The following TTC28 variants were observed in gnomAD, a reference collection of about 807,000 sequenced individuals.
TTC28 encodes tetratricopeptide repeat domain 28.
Under a neutral mutation model 198.0 loss-of-function variants are expected in TTC28, and 61 were observed. That is an observed-to-expected ratio of 0.31 (90% confidence interval 0.25 to 0.38). The LOEUF (loss-of-function observed/expected upper bound fraction) is 0.38. TTC28 is among the 10% of genes least tolerant of loss of function. TTC28 has a pLI of 1.00. For synonymous variants in TTC28, 1,171 were observed against 1,297.8 expected (o/e 0.90, Z 2.10); for missense variants, 2,678 against 3,164.0 (o/e 0.85, Z 3.69).
chr22:28,210,403 C>G (rs1036798666), intron 5 of TTC28, among the ~76,000 whole-genome samples: 1 of 152,040 alleles, frequency 6.6e-6, no homozygotes, highest in African/African-American at 2.4e-5. Context: ...AAAGATTGGA[C>G]GAGTGGCTAA....
At chr22:28,633,288 AAAAAG>A (rs1472972615) in intron 1 of TTC28, among the ~76,000 whole-genome samples, 46 of 150,722 alleles carry the variant, frequency 3.1e-4, no homozygotes, top group African/African-American at 1.0e-3. Flanking sequence ...CTCAAAAAAA[AAAAAG>A]AAAAAGAAAA....
At chr22:28,218,935 G>T (rs903226114) in intron 5 of TTC28, among the ~76,000 whole-genome samples, 1 of 149,556 alleles carries the variant, frequency 6.7e-6, no homozygotes, top group South Asian at 2.1e-4. Flanking sequence ...CTTTTATACC[G>T]TCAGTGCAAA....
At chr22:28,583,399 T>C (rs2050260050) in intron 2 of TTC28, among the ~76,000 whole-genome samples, 1 of 152,146 alleles carries the variant, frequency 6.6e-6, no homozygotes, top group South Asian at 2.1e-4. Flanking sequence ...GGACTGAAAG[T>C]TAAAATGCCG....
At chr22:27,985,418 AGC>A in intron 21 of TTC28, 62 bp from the exon 22 acceptor site, 1 of 1,348,826 alleles carries the variant, frequency 7.4e-7, no homozygotes, top group South Asian at 1.3e-5. Context: ...CTTGAACATG[AGC>A]GCTATAGGGC....
At chr22:28,645,242 C>G (rs1327754098) in intron 1 of TTC28, among the ~76,000 whole-genome samples, 1 of 152,022 alleles carries the variant, frequency 6.6e-6, no homozygotes, top group Non-Finnish European at 1.5e-5. Context: ...AAGGGCATAA[C>G]CAAAAAAGAA....
At chr22:28,080,592 T>A (rs935976775) in intron 12 of TTC28, among the ~76,000 whole-genome samples, 3 of 152,196 alleles carry the variant, frequency 2.0e-5, no homozygotes, top group African/African-American at 7.2e-5. Flanking sequence ...CTGGATATTA[T>A]CAGATACATG....
At chr22:27,987,522 A>G (rs1387319957) in intron 21 of TTC28, among the ~76,000 whole-genome samples, 1 of 152,026 alleles carries the variant, frequency 6.6e-6, no homozygotes, top group Non-Finnish European at 1.5e-5. Context: ...ACTTGAGCTC[A>G]GGAGCTGGAG....
At chr22:28,595,127 CTT>C (rs2050517081) in intron 2 of TTC28, among the ~76,000 whole-genome samples, 1 of 152,076 alleles carries the variant, frequency 6.6e-6, no homozygotes. Context: ...CACAATAAAA[CTT>C]AATTATAGAA....
intron 2 of TTC28, among the ~76,000 whole-genome samples, chr22:28,424,424 C>T (rs540426258): frequency 9.2e-5 from 14 of 152,274 alleles, no homozygotes; most frequent in African/African-American, 3.4e-4. Flanking sequence ...ATTTTTACTA[C>T]ATACTTCTAT....
Position 28,004,211 on chromosome 22 carries a change from A to G in TTC28, c.4219-2658T>C, listed in dbSNP as rs192536872. On this transcript the variant is annotated intron_variant, in intron 14 of 22. Transcript: ENST00000397906. ...GGTGAGCACAAGGCTAAAGAGGGAC[A>G]TGGGAGCCAGACTGTGGGGGCGCTG... Among the ~76,000 whole-genome samples, 22 of 152,280 alleles carry G rather than the reference A, an allele frequency of 1.4e-4. No individual in the cohort carries two copies. The East Asian group carries it at 4.3e-3, about 30-fold the overall frequency.
intron 2 of TTC28, among the ~76,000 whole-genome samples, chr22:28,611,727 C>T (rs560528426): frequency 1.4e-5 from 2 of 140,052 alleles, no homozygotes; most frequent in East Asian, 4.4e-4. Flanking sequence ...TCTCATTGTT[C>T]AATTCCCACC....
At chr22:28,677,508 C>T (rs1278519791) in intron 1 of TTC28, among the ~76,000 whole-genome samples, 1 of 151,906 alleles carries the variant, frequency 6.6e-6, no homozygotes, top group Non-Finnish European at 1.5e-5. Context: ...AAAAATTAGC[C>T]GGGTCTAGTA....
chr22:28,505,256 CAAAAA>C (rs35503278), intron 2 of TTC28, among the ~76,000 whole-genome samples: 2 of 75,410 alleles, frequency 2.7e-5, no homozygotes, highest in Non-Finnish European at 5.2e-5. Context: ...GACTCCGTCT[CAAAAA>C]AAAAAAAAAA....
intron 6 of TTC28, among the ~76,000 whole-genome samples, chr22:28,119,889 A>G (rs1402698069): frequency 6.6e-6 from 1 of 152,222 alleles, no homozygotes; most frequent in African/African-American, 2.4e-5. Flanking sequence ...CTGGTATCCA[A>G]TAATTTAAGC....
chr22:28,240,079 G>A (rs540076544), intron 5 of TTC28, among the ~76,000 whole-genome samples: 3 of 152,192 alleles, frequency 2.0e-5, no homozygotes, highest in Admixed American at 6.5e-5. Flanking sequence ...TTTCAAATGA[G>A]TAATAGAATC....
chr22:28,465,435 C>T lies in TTC28; in HGVS notation c.382-158792G>A, dbSNP rs190951143. On this transcript the variant is annotated intron_variant, in intron 2 of 22. Transcript: ENST00000397906. ...GGTTAGGAGTTCGAAACCAGCCTGA[C>T]CAACAAGGTGAAACCCCGTTTCTAC... is the stretch of plus-strand genomic sequence containing the variant. Among the ~76,000 whole-genome samples, 5 of 152,106 alleles carry T rather than the reference C, an allele frequency of 3.3e-5. No homozygotes were observed. In the East Asian group the frequency reaches 9.7e-4, roughly 29 times the overall value.
At chr22:28,257,286 G>A (rs1337972563) in intron 5 of TTC28, among the ~76,000 whole-genome samples, 2 of 152,062 alleles carry the variant, frequency 1.3e-5, no homozygotes, top group African/African-American at 4.8e-5. Flanking sequence ...ACATATCAAA[G>A]AGATACCTGT....
intron 2 of TTC28, among the ~76,000 whole-genome samples, chr22:28,387,785 T>G (rs932555066): frequency 4.5e-4 from 68 of 152,232 alleles, no homozygotes; most frequent in Non-Finnish European, 9.1e-4. Flanking sequence ...TTTCTCCCAT[T>G]TTGTAGGTTG....
intron 5 of TTC28, among the ~76,000 whole-genome samples, chr22:28,270,167 C>T (rs972839024): frequency 2.6e-5 from 4 of 151,724 alleles, no homozygotes; most frequent in Admixed American, 6.6e-5. Context: ...AATCAATGCA[C>T]GTAAGGTATG....
Sources: allele counts gnomAD v4.1 joint callset (sites outside exome capture counted in the v4.1 genomes callset), GRCh38; gene constraint gnomAD v4.1.1; transcripts MANE v1.5; gene names NCBI Gene and HGNC (gene_info 2026-07-23, HGNC 2026-07-21).